PKNOX2: variants seen among roughly 807,000 people sequenced by gnomAD.
PKNOX2 encodes PBX/knotted 1 homeobox 2.
Under a neutral mutation model 53.1 loss-of-function variants are expected in PKNOX2, and 14 were observed. The ratio of observed to expected loss-of-function variants is 0.26; its 90% CI spans 0.17 to 0.41. The LOEUF (loss-of-function observed/expected upper bound fraction) is 0.41, where lower values mean the gene tolerates loss of function less well. Ranked by LOEUF, PKNOX2 falls within the 10% of genes least tolerant of loss-of-function variation. PKNOX2 has a pLI of 1.00. For synonymous variants in PKNOX2, 257 were observed against 242.8 expected, an observed-to-expected ratio of 1.06 and a Z score of -0.54; for missense variants, 496 against 602.8, an observed-to-expected ratio of 0.82 and a Z score of 1.85.
intron 3 of PKNOX2, among the ~76,000 whole-genome samples, chr11:125,340,140 G>A (rs1361637234): frequency 6.6e-6 from 1 of 152,204 alleles, no homozygotes; most frequent in African/African-American, 2.4e-5. Context: ...CAGGATGACA[G>A]GGCTGATGGA....
chr11:125,199,586 G>A (rs769535309), intron 1 of PKNOX2, among the ~76,000 whole-genome samples: 2 of 152,216 alleles, frequency 1.3e-5, no homozygotes, highest in Non-Finnish European at 2.9e-5. Flanking sequence ...GCTCACACCT[G>A]TAATCCCAGT....
intron 3 of PKNOX2, among the ~76,000 whole-genome samples, chr11:125,333,319 G>T (rs1950242393): frequency 1.3e-5 from 2 of 152,162 alleles, no homozygotes; most frequent in South Asian, 4.1e-4. Flanking sequence ...TTCTCTGCAG[G>T]CTGAGGCTGT....
intron 1 of PKNOX2, among the ~76,000 whole-genome samples, chr11:125,204,493 G>A (rs1435810453): frequency 6.6e-6 from 1 of 152,108 alleles, no homozygotes; most frequent in Non-Finnish European, 1.5e-5. Flanking sequence ...AGTCATCGAT[G>A]GCCTGTGGCT....
chr11:125,265,245 C>T (rs1032544851), intron 2 of PKNOX2, among the ~76,000 whole-genome samples: 8 of 151,856 alleles, frequency 5.3e-5, no homozygotes, highest in Admixed American at 5.2e-4. Context: ...CGAGATCGCA[C>T]CATTGTACTC....
intron 9 of PKNOX2, chr11:125,411,423 TTCTCCTGTTC>T (rs1955503336): frequency 2.3e-6 from 1 of 428,676 alleles, no homozygotes; most frequent in Non-Finnish European, 4.4e-6. Context: ...AATTCATATC[TTCTCCTGTTC>T]TCTCTGCATG....
intron 1 of PKNOX2, among the ~76,000 whole-genome samples, chr11:125,182,341 C>T (rs192738764): frequency 6.6e-5 from 10 of 152,280 alleles, no homozygotes; most frequent in East Asian, 3.9e-4. Flanking sequence ...GCTCCTTCTA[C>T]GTGGCTGAAT....
chr11:125,193,315 C>T (rs1295611779), intron 1 of PKNOX2, among the ~76,000 whole-genome samples: 1 of 152,178 alleles, frequency 6.6e-6, no homozygotes, highest in African/African-American at 2.4e-5. Context: ...CAGAAAGCCC[C>T]CTCTCTACCG....
intron 1 of PKNOX2, among the ~76,000 whole-genome samples, chr11:125,209,728 C>T (rs939729129): frequency 3.3e-5 from 5 of 151,904 alleles, no homozygotes; most frequent in Admixed American, 3.3e-4. Context: ...TAGATCAGAG[C>T]CATCTTTGTT....
intron 2 of PKNOX2, among the ~76,000 whole-genome samples, chr11:125,241,190 T>C (rs1331339698): frequency 2.6e-5 from 4 of 152,170 alleles, no homozygotes; most frequent in Non-Finnish European, 5.9e-5. Flanking sequence ...TCCCCATCCC[T>C]GTAAATACAG....
At chr11:125,285,052 G>A (rs1326342217) in intron 2 of PKNOX2, among the ~76,000 whole-genome samples, 1 of 152,126 alleles carries the variant, frequency 6.6e-6, no homozygotes, top group Admixed American at 6.5e-5. Context: ...AAGGGGATCC[G>A]GGCTTCCCTG....
At chr11:125,308,692 G>A (rs115908204) in intron 2 of PKNOX2, among the ~76,000 whole-genome samples, 1,937 of 152,172 alleles carry the variant, frequency 0.013, 55 homozygotes, top group African/African-American at 0.044. Flanking sequence ...TTTAACTGCC[G>A]TGCTGTGATG....
chr11:125,274,838 C>T (rs1946049582), intron 2 of PKNOX2, among the ~76,000 whole-genome samples: 1 of 152,172 alleles, frequency 6.6e-6, no homozygotes, highest in Admixed American at 6.5e-5. Flanking sequence ...AGGATAACAC[C>T]CAACTCCAAG....
At position 125,396,580 on chromosome 11, in the gene PKNOX2, TAAAAA is replaced by T. The variant is rs34795718; in HGVS notation, c.400-1281_400-1277del. Among the ~76,000 whole-genome samples, 92 of 138,238 alleles carry T rather than the reference TAAAAA, an allele frequency of 6.7e-4. 1 individual carries two copies. Among genetic ancestry groups the T allele is most frequent in the African/African-American group, 2.3e-3 (90 of 38,520 alleles). The allele number at this position is 138,238 out of a possible 152,430, so 90.7% of individuals were successfully genotyped here. The stretch of plus-strand genomic sequence containing the variant: ...TCCTAAAGAATAATGCAGAAACTTT[TAAAAA>T]AAAAAAAAAAAAGCTATAAGCTTAG... On this transcript the variant is annotated intron_variant, in intron 6 of 12. Transcript: ENST00000298282.
At chr11:125,421,977 T>C (rs1322086904) in intron 10 of PKNOX2, among the ~76,000 whole-genome samples, 1 of 152,106 alleles carries the variant, frequency 6.6e-6, no homozygotes, top group Non-Finnish European at 1.5e-5. Flanking sequence ...TCTTGAGATG[T>C]TGGTTAACAG....
chr11:125,397,772 G>T, intron 6 of PKNOX2, 102 bp from the exon 7 acceptor site: 2 of 1,204,856 alleles, frequency 1.7e-6, no homozygotes, highest in South Asian at 1.5e-5. Context: ...AGCTACGGCA[G>T]GGGGTGGGCT....
chr11:125,222,514 C>G (rs576866550), intron 1 of PKNOX2, among the ~76,000 whole-genome samples: 2 of 152,306 alleles, frequency 1.3e-5, no homozygotes, highest in African/African-American at 4.8e-5. Flanking sequence ...GGCCTCTGCT[C>G]TTTCCAGATG....
At chr11:125,230,020 T>G (rs138439166) in intron 1 of PKNOX2, among the ~76,000 whole-genome samples, 2 of 152,360 alleles carry the variant, frequency 1.3e-5, no homozygotes, top group African/African-American at 4.8e-5. Flanking sequence ...AACTTCATAT[T>G]CATACCTATA....
intron 5 of PKNOX2, among the ~76,000 whole-genome samples, chr11:125,372,414 A>ATGGT (rs1952609433): frequency 6.6e-6 from 1 of 152,224 alleles, no homozygotes; most frequent in Non-Finnish European, 1.5e-5. Flanking sequence ...GTTCTTTAGA[A>ATGGT]TGGTGTTACT....
intron 10 of PKNOX2, among the ~76,000 whole-genome samples, chr11:125,420,603 G>A (rs1956123506): frequency 6.6e-6 from 1 of 152,180 alleles, no homozygotes. Context: ...GCATTTTGAG[G>A]AGCCAAGCCA....
Sources: gnomAD v4.1 joint callset for allele counts (sites outside exome capture counted in the v4.1 genomes callset) on GRCh38, gnomAD v4.1.1 for gene constraint, MANE v1.5 for transcripts, NCBI Gene and HGNC (gene_info 2026-07-23, HGNC 2026-07-21) for gene names.